The following PLPPR5 variants were observed in gnomAD, a reference collection of about 807,000 sequenced individuals.
PLPPR5 encodes phospholipid phosphatase related 5.
A neutral mutation model predicts 33.9 loss-of-function variants in PLPPR5; 16 were observed. That is an observed-to-expected ratio of 0.47 (90% CI 0.32 to 0.72). The LOEUF is 0.72. PLPPR5 is among the 30% of genes least tolerant of loss of function. PLPPR5 has a pLI of 0.03. For missense variants in PLPPR5, 301 were observed against 406.7 expected, an observed-to-expected ratio of 0.74 and a Z score of 2.23; for synonymous variants, 163 against 150.3, an observed-to-expected ratio of 1.08 and a Z score of -0.62.
chr1:98,922,456 T>C (rs753306977), intron 3 of PLPPR5, among the ~76,000 whole-genome samples: 1 of 152,188 alleles, frequency 6.6e-6, no homozygotes. Context: ...AGTGTTTAAG[T>C]GTTTTTAATG....
intron 4 of PLPPR5, among the ~76,000 whole-genome samples, chr1:98,916,791 A>C (rs1236249605): frequency 6.6e-6 from 1 of 152,182 alleles, no homozygotes; most frequent in Non-Finnish European, 1.5e-5. Context: ...AAATTACCTA[A>C]TCCTCTGTAG....
Position 98,953,111 on chromosome 1 carries a change from T to C in PLPPR5, c.580A>G (p.Lys194Glu). 1 of 1,614,122 alleles carries C rather than the reference T, an allele frequency of 6.2e-7. No individual in the cohort carries two copies. Among genetic ancestry groups the C allele is most frequent in the Non-Finnish European group, 8.5e-7 (1 of 1,180,010 alleles). ...GCATAGACACTGAGAGCTGCTTCTT[T>C]GGATGGAAAGGTTTTTCGGGCTCTC... ...IMRARKTFPS[K>E]EAALSVYAAM... The change falls in exon 3 of 6, where the codon AAA becomes GAA. Residue 194 changes from lysine (K) to glutamate (E), a missense_variant. Physicochemically the swap from Lys to Glu is moderately conservative, Grantham distance 56. Coordinates refer to ENST00000263177, the MANE Select transcript of PLPPR5 (RefSeq NM_001037317.2).
intron 1 of PLPPR5, among the ~76,000 whole-genome samples, chr1:98,998,232 C>T (rs1273806210): frequency 6.6e-6 from 1 of 152,136 alleles, no homozygotes. Context: ...ACCCCCAAAT[C>T]TAGTGCCAGG....
At chr1:98,990,390 C>CA (rs1213842065) in intron 1 of PLPPR5, among the ~76,000 whole-genome samples, 4 of 151,268 alleles carry the variant, frequency 2.6e-5, no homozygotes, top group Admixed American at 6.6e-5. Flanking sequence ...CAAAACAAAA[C>CA]AAAAAACAAA....
intron 1 of PLPPR5, chr1:99,004,204 C>T (rs1472082796): frequency 7.3e-6 from 4 of 550,668 alleles, no homozygotes; most frequent in Non-Finnish European, 1.3e-5. Context: ...AGTCACCCAA[C>T]GCTGAAGCCA....
At chr1:98,899,400 C>T (rs536236166) in intron 5 of PLPPR5, among the ~76,000 whole-genome samples, 2 of 152,232 alleles carry the variant, frequency 1.3e-5, no homozygotes, top group South Asian at 4.1e-4. Flanking sequence ...AGTCTGAGTA[C>T]CACTGCCTAA....
At chr1:98,941,410 T>C (rs534111114) in intron 3 of PLPPR5, among the ~76,000 whole-genome samples, 5 of 151,338 alleles carry the variant, frequency 3.3e-5, no homozygotes, top group African/African-American at 4.8e-5. Flanking sequence ...ATATGTGTGT[T>C]TGTGTGTGTG....
chr1:98,947,631 G>A (rs1453173195), intron 3 of PLPPR5, among the ~76,000 whole-genome samples: 1 of 152,178 alleles, frequency 6.6e-6, no homozygotes, highest in African/African-American at 2.4e-5. Flanking sequence ...AGTTCATGGA[G>A]TAGTGTGGGG....
intron 5 of PLPPR5, among the ~76,000 whole-genome samples, chr1:98,913,388 C>T (rs1238804559): frequency 6.6e-6 from 1 of 152,128 alleles, no homozygotes; most frequent in East Asian, 1.9e-4. Context: ...TAGCAATGCA[C>T]ACCATCAATC....
At chr1:98,962,641 C>T (rs1370857731) in intron 1 of PLPPR5, among the ~76,000 whole-genome samples, 1 of 151,782 alleles carries the variant, frequency 6.6e-6, no homozygotes, top group Non-Finnish European at 1.5e-5. Flanking sequence ...TTGTATAATC[C>T]AAATTTTCTT....
At chr1:98,912,867 T>C (rs1350364667) in intron 5 of PLPPR5, among the ~76,000 whole-genome samples, 1 of 152,142 alleles carries the variant, frequency 6.6e-6, no homozygotes, top group African/African-American at 2.4e-5. Context: ...CATTAAATGG[T>C]AGTCATTATT....
intron 4 of PLPPR5, among the ~76,000 whole-genome samples, chr1:98,920,887 G>A (rs12567897): frequency 0.5 from 75,713 of 151,854 alleles, 19,735 homozygotes; most frequent in East Asian, 0.76. Flanking sequence ...TCTACACATT[G>A]TTTCATTTGG....
intron 1 of PLPPR5, among the ~76,000 whole-genome samples, chr1:98,979,869 C>T (rs1196650844): frequency 1.3e-5 from 2 of 152,178 alleles, no homozygotes; most frequent in East Asian, 3.9e-4. Context: ...GACTGCCATG[C>T]TCTGCCTTGC....
chr1:98,890,843 G>A lies in PLPPR5; in HGVS notation c.*2229C>T, dbSNP rs1021279682. On this transcript the variant is annotated 3_prime_UTR_variant, in exon 6 of 6. Transcript: ENST00000263177. ...TAAATAGTAGAGGTGACTTTACTCT[G>A]GTTCTGGGTTAAATCTGAGTTTTTG... 6.6e-6 allele frequency: 1 copy of A among 152,438 alleles called. No individual in the cohort carries two copies. The highest frequency in any genetic ancestry group is 1.5e-5 in the Non-Finnish European group (1 of 67,998). The allele number at this position is 152,438 out of a possible 1,614,324, so 9.4% of individuals were successfully genotyped here.
At chr1:98,952,943 A>T in intron 3 of PLPPR5, 127 bp downstream of exon 3, 1 of 1,134,442 alleles carries the variant, frequency 8.8e-7, no homozygotes. Context: ...AAAATAGATT[A>T]AATGGCCTAC....
At chr1:98,901,830 C>T (rs983381676) in intron 5 of PLPPR5, among the ~76,000 whole-genome samples, 7 of 151,894 alleles carry the variant, frequency 4.6e-5, no homozygotes, top group Admixed American at 2.6e-4. Context: ...ATTTAAGGAA[C>T]ATTTACCTTA....
intron 1 of PLPPR5, among the ~76,000 whole-genome samples, chr1:99,003,056 C>CATATATATATATATATATATATAT (rs59686592): frequency 1.2e-5 from 1 of 81,118 alleles, no homozygotes. Flanking sequence ...ACTTATTTTA[C>CATATATATATATATATATATATAT]ATATATATAT....
intron 3 of PLPPR5, among the ~76,000 whole-genome samples, chr1:98,933,810 G>A (rs961958148): frequency 2.6e-5 from 4 of 152,204 alleles, no homozygotes; most frequent in African/African-American, 9.7e-5. Flanking sequence ...GTAGTGATGT[G>A]AGGAAAGGCA....
chr1:98,899,867 A>T (rs1648626891), intron 5 of PLPPR5, among the ~76,000 whole-genome samples: 1 of 152,082 alleles, frequency 6.6e-6, no homozygotes, highest in Non-Finnish European at 1.5e-5. Context: ...AAACGTATTG[A>T]CATGAAATTT....
Sources: allele counts gnomAD v4.1 joint callset (sites outside exome capture counted in the v4.1 genomes callset), GRCh38; gene constraint gnomAD v4.1.1; transcripts MANE v1.5; gene names NCBI Gene and HGNC (gene_info 2026-07-23, HGNC 2026-07-21).